TMEM132D: variants seen among roughly 807,000 people sequenced by gnomAD.
The protein encoded by TMEM132D is mature OL transmembrane protein.
In TMEM132D, 21 loss-of-function variants were observed where a neutral mutation model predicts 62.3. The ratio of observed to expected loss-of-function variants is 0.34; its 90% confidence interval spans 0.24 to 0.49. The LOEUF is 0.49. Among genes scored for constraint, TMEM132D ranks in the 20% least tolerant of loss-of-function variants. The pLI is 0.99. For synonymous variants in TMEM132D, 621 were observed against 575.6 expected (o/e 1.08, Z -1.13); for missense variants, 1,346 against 1,402.8 (o/e 0.96, Z 0.65).
At chr12:129,208,346 C>G (rs1197892285) in intron 5 of TMEM132D, among the ~76,000 whole-genome samples, 1 of 152,138 alleles carries the variant, frequency 6.6e-6, no homozygotes, top group Non-Finnish European at 1.5e-5. Flanking sequence ...TTGTCCTGTG[C>G]TGATGTGAAG....
At chr12:129,104,237 G>A (rs1262593195) in intron 5 of TMEM132D, among the ~76,000 whole-genome samples, 11 of 151,140 alleles carry the variant, frequency 7.3e-5, no homozygotes, top group South Asian at 4.2e-4. Context: ...AAATAACGCC[G>A]CATATCTACA....
At chr12:129,260,551 G>A (rs1880524214) in intron 4 of TMEM132D, among the ~76,000 whole-genome samples, 2 of 152,128 alleles carry the variant, frequency 1.3e-5, no homozygotes, top group African/African-American at 4.8e-5. Context: ...TAGGGTACAG[G>A]TGGTTTTTGG....
chr12:129,155,757 C>T (rs1183002061), intron 5 of TMEM132D, among the ~76,000 whole-genome samples: 2 of 152,156 alleles, frequency 1.3e-5, no homozygotes, highest in East Asian at 3.8e-4. Context: ...CCAACCCACT[C>T]CCAAGATAGC....
intron 2 of TMEM132D, among the ~76,000 whole-genome samples, chr12:129,643,979 C>T (rs1879705249): frequency 6.6e-6 from 1 of 152,004 alleles, no homozygotes. Flanking sequence ...CTCAGCCTCC[C>T]AAGTAGCTGG....
intron 4 of TMEM132D, among the ~76,000 whole-genome samples, chr12:129,323,120 T>G (rs1250826631): frequency 3.3e-5 from 5 of 152,192 alleles, no homozygotes; most frequent in African/African-American, 1.2e-4. Context: ...AACTACCATA[T>G]CCCTTAGGTA....
At chr12:129,826,097 T>C (rs1176041836) in intron 1 of TMEM132D, among the ~76,000 whole-genome samples, 1 of 151,992 alleles carries the variant, frequency 6.6e-6, no homozygotes, top group African/African-American at 2.4e-5. Flanking sequence ...AAGTATTAAG[T>C]CAGTAGTGGT....
intron 5 of TMEM132D, among the ~76,000 whole-genome samples, chr12:129,134,762 G>T (rs764856300): frequency 2.6e-5 from 4 of 152,150 alleles, no homozygotes; most frequent in African/African-American, 4.8e-5. Flanking sequence ...TGGGGCACTA[G>T]GCAAAGACCT....
At chr12:129,611,732 T>C (rs1052910105) in intron 2 of TMEM132D, among the ~76,000 whole-genome samples, 1 of 152,158 alleles carries the variant, frequency 6.6e-6, no homozygotes, top group Admixed American at 6.5e-5. Context: ...CTAGAGATAA[T>C]TCATCATTGA....
At chr12:129,219,705 T>G (rs988191221) in intron 4 of TMEM132D, among the ~76,000 whole-genome samples, 1 of 152,240 alleles carries the variant, frequency 6.6e-6, no homozygotes, top group African/African-American at 2.4e-5. Context: ...TAATTCTTCT[T>G]CACTCATGTG....
intron 4 of TMEM132D, among the ~76,000 whole-genome samples, chr12:129,291,851 C>G (rs1881458644): frequency 6.6e-6 from 1 of 151,904 alleles, no homozygotes; most frequent in South Asian, 2.1e-4. Context: ...GGCTAGGAGG[C>G]TGGGGAAGGT....
chr12:129,438,782 G>A (rs998037240), intron 3 of TMEM132D, among the ~76,000 whole-genome samples: 2 of 152,138 alleles, frequency 1.3e-5, no homozygotes, highest in African/African-American at 4.8e-5. Context: ...GCTCAGTGAT[G>A]AGTAATTTTA....
intron 3 of TMEM132D, among the ~76,000 whole-genome samples, chr12:129,339,657 A>T (rs531530290): frequency 4.6e-5 from 7 of 152,182 alleles, no homozygotes; most frequent in Non-Finnish European, 1.0e-4. Context: ...GCTAGAGAGA[A>T]CTTGGAATTA....
At chr12:129,181,547 A>G (rs1878065221) in intron 5 of TMEM132D, among the ~76,000 whole-genome samples, 1 of 152,174 alleles carries the variant, frequency 6.6e-6, no homozygotes, top group Non-Finnish European at 1.5e-5. Flanking sequence ...CTTGATGTAC[A>G]CAGTGCTCCT....
intron 2 of TMEM132D, among the ~76,000 whole-genome samples, chr12:129,532,164 T>C (rs751749281): frequency 6.6e-6 from 1 of 152,248 alleles, no homozygotes; most frequent in African/African-American, 2.4e-5. Context: ...TTTCCTGCTG[T>C]GTTTTCTCTT....
intron 5 of TMEM132D, among the ~76,000 whole-genome samples, chr12:129,202,043 T>C (rs1054286484): frequency 6.6e-6 from 1 of 151,890 alleles, no homozygotes; most frequent in African/African-American, 2.4e-5. Context: ...CGAGCATCCT[T>C]GGGAGGCAGA....
At position 129,658,456 on chromosome 12, in the gene TMEM132D, G is replaced by A. The variant is rs7979935; in HGVS notation, c.968+41354C>T. Among the ~76,000 whole-genome samples the A allele has an allele frequency of 3.5e-3, 534 of 152,034 alleles. 3 individuals are homozygous for A. Among genetic ancestry groups the A allele is most frequent in the African/African-American group, 0.012 (500 of 41,482 alleles). ...TTGCATCTTTGTGTGCTATAAATGC[G>A]GCCTCTACAAACAAGCATTTACAGA... is the stretch of plus-strand genomic sequence containing the variant. On this transcript the variant is annotated intron_variant, in intron 2 of 8. Coordinates refer to ENST00000422113, the MANE Select transcript of TMEM132D (RefSeq NM_133448.3).
chr12:129,461,934 G>A (rs1454758201), intron 3 of TMEM132D, among the ~76,000 whole-genome samples: 3 of 152,210 alleles, frequency 2.0e-5, no homozygotes, highest in Non-Finnish European at 4.4e-5. Context: ...TTCCACAAAG[G>A]TTATCTCCTT....
At chr12:129,717,202 A>G (rs1868618042) in intron 1 of TMEM132D, among the ~76,000 whole-genome samples, 1 of 152,194 alleles carries the variant, frequency 6.6e-6, no homozygotes, top group Non-Finnish European at 1.5e-5. Context: ...TTAATCCAGG[A>G]AGGCCATTTC....
At chr12:129,492,262 G>C (rs1874818071) in intron 3 of TMEM132D, among the ~76,000 whole-genome samples, 2 of 152,158 alleles carry the variant, frequency 1.3e-5, no homozygotes, top group Non-Finnish European at 2.9e-5. Context: ...TGACTGACTA[G>C]GAAATACTTC....
Sources: allele counts gnomAD v4.1 joint callset (sites outside exome capture counted in the v4.1 genomes callset), GRCh38; gene constraint gnomAD v4.1.1; transcripts MANE v1.5; gene names NCBI Gene and HGNC (gene_info 2026-07-23, HGNC 2026-07-21).